CDH1: variants seen among roughly 807,000 people sequenced by gnomAD.
CDH1 encodes cadherin-1.
Under a neutral mutation model 84.5 loss-of-function variants are expected in CDH1, and 35 were observed. The ratio of observed to expected loss-of-function variants is 0.41; its 90% CI spans 0.32 to 0.55. The LOEUF is 0.55. Ranked by LOEUF, CDH1 falls within the 20% of genes least tolerant of loss-of-function variation. The pLI is 0.19. For synonymous variants in CDH1, 417 were observed against 439.0 expected, an observed-to-expected ratio of 0.95 and a Z score of 0.63; for missense variants, 994 against 1,126.6, an observed-to-expected ratio of 0.88 and a Z score of 1.68.
intron 2 of CDH1, among the ~76,000 whole-genome samples, chr16:68,753,545 C>T (rs1053278961): frequency 1.3e-5 from 2 of 151,732 alleles, no homozygotes; most frequent in Non-Finnish European, 2.9e-5. Context: ...CACCGTGTTA[C>T]CCAGGATGGT....
chr16:68,798,239 T>G (rs867338640), intron 2 of CDH1, among the ~76,000 whole-genome samples: 4 of 152,128 alleles, frequency 2.6e-5, no homozygotes, highest in African/African-American at 9.7e-5. Flanking sequence ...TAGCTTTATT[T>G]TTGTTAGCTT....
rs147361361 is a variant in CDH1 at position 68,779,080 on chromosome 16, G to A, written c.164-22590G>A. On this transcript the variant is annotated intron_variant, in intron 2 of 15. Coordinates refer to ENST00000261769, the MANE Select transcript of CDH1 (RefSeq NM_004360.5). ...AAGGTGTTGAGTCAACTTATTTACAGTGCTCAGAGCCAGTTCCTGTGCTGC... is the reference window on the plus strand; with the variant it reads ...AAGGTGTTGAGTCAACTTATTTACAATGCTCAGAGCCAGTTCCTGTGCTGC... 4.0e-3 allele frequency among the ~76,000 whole-genome samples: 611 copies of A among 152,322 alleles called. 4 individuals are homozygous for A. The highest frequency in any genetic ancestry group is 0.01 in the Middle Eastern group (3 of 294).
rs889942028 is a variant in CDH1, at chr16:68,834,961, A to G, written c.*1462A>G. ...CTCATCTCTGAAAATTCTGGAAGGAATGGAGGAGTCTCAACATGTGTTTCT... is the reference window on the plus strand; with the variant it reads ...CTCATCTCTGAAAATTCTGGAAGGAGTGGAGGAGTCTCAACATGTGTTTCT... On this transcript the variant is annotated 3_prime_UTR_variant, in exon 16 of 16. Coordinates refer to ENST00000261769, the MANE Select transcript of CDH1 (RefSeq NM_004360.5). 4.3e-6 allele frequency: 1 copy of G among 231,672 alleles called. No individual in the cohort carries two copies. The highest frequency in any genetic ancestry group is 8.6e-6 in the Non-Finnish European group (1 of 116,850). 14.4% of individuals were successfully genotyped at this position (231,672 alleles called of 1,614,324 possible).
intron 2 of CDH1, among the ~76,000 whole-genome samples, chr16:68,775,937 G>A (rs1392208459): frequency 6.6e-6 from 1 of 152,148 alleles, no homozygotes; most frequent in African/African-American, 2.4e-5. Flanking sequence ...AAGTTAGGAG[G>A]GAAGATTGTC....
At chr16:68,821,910 C>A (rs530904694) in intron 11 of CDH1, 91 bp from the exon 12 acceptor site, 6 of 1,027,394 alleles carry the variant, frequency 5.8e-6, no homozygotes, top group Non-Finnish European at 7.6e-6. Context: ...CACTGAAGAG[C>A]CAGGACAAGA....
intron 2 of CDH1, among the ~76,000 whole-genome samples, chr16:68,745,549 A>AATATATATATATATATATGT (rs1555510456): frequency 4.8e-4 from 36 of 75,186 alleles, no homozygotes; most frequent in African/African-American, 6.6e-4. Context: ...AAAAAAAAAA[A>AATATATATATATATATATGT]ATATATATAT....
At chr16:68,794,807 C>T (rs1368330893) in intron 2 of CDH1, among the ~76,000 whole-genome samples, 1 of 151,852 alleles carries the variant, frequency 6.6e-6, no homozygotes, top group Non-Finnish European at 1.5e-5. Context: ...CTGCCTCAGC[C>T]TCCCGAGTAG....
intron 2 of CDH1, among the ~76,000 whole-genome samples, chr16:68,796,907 G>A (rs1275606679): frequency 6.6e-6 from 1 of 152,170 alleles, no homozygotes; most frequent in African/African-American, 2.4e-5. Flanking sequence ...GGAGGCTGAG[G>A]TTGGTGGATC....
chr16:68,810,110 G>A (rs2152130862), intron 5 of CDH1, 87 bp from the exon 6 acceptor site: 1 of 1,433,076 alleles, frequency 7.0e-7, no homozygotes, highest in Non-Finnish European at 9.8e-7. Flanking sequence ...GTGGCAGCCA[G>A]GGGGGCGCAC....
chr16:68,782,825 T>C (rs4783683), intron 2 of CDH1, among the ~76,000 whole-genome samples: 66,383 of 151,762 alleles, frequency 0.44, 14,669 homozygotes, highest in Middle Eastern at 0.51. Flanking sequence ...TGCCCCTCCG[T>C]CCCTGGACCA....
At chr16:68,811,568 A>T (rs770379456) in intron 6 of CDH1, 116 bp from the exon 7 acceptor site, 51 of 887,622 alleles carry the variant, frequency 5.7e-5, no homozygotes, top group Non-Finnish European at 8.3e-5. Flanking sequence ...GAACTCTGAC[A>T]CGGTACCACC....
rs565727413 is a variant in CDH1 at position 68,778,141 on chromosome 16, G to A, written c.164-23529G>A. Among the ~76,000 whole-genome samples, 257 of 152,106 alleles carry A rather than the reference G, an allele frequency of 1.7e-3. 1 individual carries two copies. Among genetic ancestry groups the A allele is most frequent in the African/African-American group, 5.9e-3 (245 of 41,504 alleles). On this transcript the variant is annotated intron_variant, in intron 2 of 15. Transcript: ENST00000261769. ...CAGTCCCCTGCAACCTCCACCTCCC[G>A]GGTTCAAGCAATTCTCCTGCCTTAG... is the stretch of plus-strand genomic sequence containing the variant.
In CDH1 at chr16:68,797,308, C is replaced by T. The variant is rs765491020; in HGVS notation, c.164-4362C>T. Among the ~76,000 whole-genome samples, 97 of 152,166 alleles carry T rather than the reference C, an allele frequency of 6.4e-4. 1 individual carries two copies. Among genetic ancestry groups the T allele is most frequent in the African/African-American group, 2.1e-3 (87 of 41,450 alleles). The stretch of plus-strand genomic sequence containing the variant: ...GATGAGGTGGGAGGATGGTTTGAGC[C>T]CAGGAAGCTGAGGCTGCGGTGAGCT... On this transcript the variant is annotated intron_variant, in intron 2 of 15. Transcript: ENST00000261769.
intron 2 of CDH1, among the ~76,000 whole-genome samples, chr16:68,750,150 CT>C (rs34551002): frequency 1.3e-4 from 10 of 79,110 alleles, no homozygotes; most frequent in Admixed American, 3.1e-4. Context: ...TAGAATTCAG[CT>C]TTTTTTTTTG....
rs763203357 is a variant in CDH1 at position 68,829,709 on chromosome 16, G to A, written c.2351G>A (p.Arg784His). ...RGLDARPEVT[R>H]NDVAPTLMSV... ...CTGGACGCTCGGCCTGAAGTGACTC[G>A]TAACGACGTTGCACCAACCCTCATG... The change falls in exon 15 of 16, where the codon CGT (arginine) becomes CAT (histidine). Residue 784 changes from arginine (R) to histidine (H), a missense_variant. Transcript: ENST00000261769. 4 of 1,613,940 alleles carry A rather than the reference G, an allele frequency of 2.5e-6. No individual in the cohort carries two copies. Among genetic ancestry groups the A allele is most frequent in the African/African-American group, 1.3e-5 (1 of 74,902 alleles).
intron 2 of CDH1, among the ~76,000 whole-genome samples, chr16:68,784,633 CTT>C (rs1959990122): frequency 6.6e-6 from 1 of 151,974 alleles, no homozygotes; most frequent in East Asian, 1.9e-4. Flanking sequence ...ACTGTGTAGT[CTT>C]TTATCCCTCA....
At chr16:68,794,189 C>T (rs2152124183) in intron 2 of CDH1, among the ~76,000 whole-genome samples, 1 of 151,770 alleles carries the variant, frequency 6.6e-6, no homozygotes, top group East Asian at 2.0e-4. Context: ...CACACCACTG[C>T]TCCCAGCTAA....
intron 13 of CDH1, 148 bp from the exon 14 acceptor site, chr16:68,828,026 G>A (rs1275835896): frequency 6.0e-6 from 5 of 828,378 alleles, no homozygotes; most frequent in Non-Finnish European, 1.0e-5. Context: ...AGTGTCACGT[G>A]GATTGACATC....
chr16:68,823,704 T>C (rs1961240926), intron 13 of CDH1, 78 bp downstream of exon 13: 6 of 970,826 alleles, frequency 6.2e-6, no homozygotes, highest in Middle Eastern at 4.5e-4. Flanking sequence ...TGATTTTTGT[T>C]CTTATATTAA....
Sources: gnomAD v4.1 joint callset for allele counts (sites outside exome capture counted in the v4.1 genomes callset) on GRCh38, gnomAD v4.1.1 for gene constraint, MANE v1.5 for transcripts, NCBI Gene and HGNC (gene_info 2026-07-23, HGNC 2026-07-21) for gene names.